Variants in NRP2 observed in about 807,000 individuals in gnomAD.
NRP2 encodes the protein neuropilin-2.
In NRP2, 52 loss-of-function variants were observed where a neutral mutation model predicts 110.4. That is an observed-to-expected ratio of 0.47 (90% CI 0.38 to 0.59). The LOEUF is 0.59. Among genes scored for constraint, NRP2 ranks in the 20% least tolerant of loss-of-function variants. The probability of loss-of-function intolerance (pLI) is 0.00; values close to 1 mark genes in which losing one functional copy is unlikely to be tolerated. For synonymous variants in NRP2, 508 were observed against 468.9 expected (o/e 1.08, Z -1.08); for missense variants, 1,049 against 1,203.0 (o/e 0.87, Z 1.89).
chr2:205,790,648 G>GTTTT (rs56812222), intron 15 of NRP2, among the ~76,000 whole-genome samples: 1 of 145,096 alleles, frequency 6.9e-6, no homozygotes, highest in South Asian at 2.2e-4. Flanking sequence ...TTTCTTCCAT[G>GTTTT]TTTTTTTTTT....
chr2:205,740,442 T>A, intron 7 of NRP2, 77 bp from the exon 8 acceptor site: 1 of 1,501,744 alleles, frequency 6.7e-7, no homozygotes, highest in South Asian at 1.1e-5. Flanking sequence ...AACTTTCCCA[T>A]CCCCTTCAAA....
chr2:205,789,623 G>C (rs924450365), intron 15 of NRP2, among the ~76,000 whole-genome samples: 6 of 152,172 alleles, frequency 3.9e-5, no homozygotes, highest in African/African-American at 1.2e-4. Flanking sequence ...TCTACCCTCT[G>C]CCTTGGGCTC....
intron 2 of NRP2, among the ~76,000 whole-genome samples, chr2:205,710,313 C>A (rs978870306): frequency 3.9e-5 from 6 of 152,342 alleles, no homozygotes; most frequent in South Asian, 4.1e-4. Flanking sequence ...CCTCATGTAA[C>A]CTTGGGCAGG....
chr2:205,749,275 C>T (rs1028115965), intron 10 of NRP2, among the ~76,000 whole-genome samples: 3 of 152,204 alleles, frequency 2.0e-5, no homozygotes, highest in Admixed American at 1.3e-4. Flanking sequence ...AACACTTGAA[C>T]TTGCCACACC....
At chr2:205,772,236 A>G (rs2058033887) in intron 15 of NRP2, among the ~76,000 whole-genome samples, 1 of 152,248 alleles carries the variant, frequency 6.6e-6, no homozygotes. Context: ...GTTAATACAC[A>G]GGAAATGTCC....
chr2:205,688,546 T>C (rs963158013), intron 1 of NRP2, among the ~76,000 whole-genome samples: 10 of 152,186 alleles, frequency 6.6e-5, no homozygotes, highest in South Asian at 2.1e-4. Context: ...TGGCCTTGTA[T>C]CATGGCTGGC....
chr2:205,791,229 T>G (rs16837671), intron 15 of NRP2, among the ~76,000 whole-genome samples: 6,475 of 152,324 alleles, frequency 0.043, 231 homozygotes, highest in African/African-American at 0.09. Flanking sequence ...CTTTTAAGCC[T>G]TGATTTTTGG....
chr2:205,765,330 G>A, intron 13 of NRP2, 144 bp from the exon 14 acceptor site: 1 of 743,766 alleles, frequency 1.3e-6, no homozygotes, highest in Non-Finnish European at 2.5e-6. Context: ...GTGGTCAACA[G>A]ATGTGTACCA....
chr2:205,686,171 C>A lies in NRP2; in HGVS notation c.73+2808C>A, dbSNP rs569324098. Among the ~76,000 whole-genome samples the A allele has an allele frequency of 6.6e-6, 1 of 152,198 alleles. No individual in the cohort carries two copies. Among genetic ancestry groups the A allele is most frequent in the Non-Finnish European group, 1.5e-5 (1 of 68,034 alleles). ...ATTCCCAGCGAAAGCAAAACCGAGGCTGAAGCCTCCGCGAAGTTGGCCGCC... is the reference window on the plus strand; with the variant it reads ...ATTCCCAGCGAAAGCAAAACCGAGGATGAAGCCTCCGCGAAGTTGGCCGCC... On this transcript the variant is annotated intron_variant, in intron 1 of 16. Coordinates refer to ENST00000357785, the MANE Select transcript of NRP2 (RefSeq NM_003872.3). This position sits in a 1 kb window ranked among gnomAD's most constrained non-coding sequence, Gnocchi z 4.7.
chr2:205,785,805 T>C (rs764305401), intron 15 of NRP2, among the ~76,000 whole-genome samples: 1 of 152,234 alleles, frequency 6.6e-6, no homozygotes, highest in Non-Finnish European at 1.5e-5. Flanking sequence ...TTTCCAATTC[T>C]TTTTAGTGTT....
At chr2:205,778,645 T>TGGCATTGA (rs1159585519) in intron 15 of NRP2, 1 of 152,228 alleles carries the variant, frequency 6.6e-6, no homozygotes, top group Non-Finnish European at 1.5e-5. Flanking sequence ...CATAGAGGTG[T>TGGCATTGA]GGCATTGAGA....
chr2:205,765,976 G>T (rs181810327), intron 14 of NRP2, among the ~76,000 whole-genome samples: 1 of 152,214 alleles, frequency 6.6e-6, no homozygotes, highest in African/African-American at 2.4e-5. Context: ...CATATGTTAT[G>T]TAAGAGTGAT....
chr2:205,744,312 T>A (rs539791388), intron 9 of NRP2, among the ~76,000 whole-genome samples: 3 of 152,294 alleles, frequency 2.0e-5, no homozygotes, highest in African/African-American at 7.2e-5. Flanking sequence ...GGGGATGTGG[T>A]TTTTGGAGGC....
chr2:205,742,615 C>T (rs1239700404), intron 8 of NRP2, among the ~76,000 whole-genome samples: 1 of 152,146 alleles, frequency 6.6e-6, no homozygotes, highest in African/African-American at 2.4e-5. Flanking sequence ...CAGTAAAGAG[C>T]AGTTATTTGG....
intron 15 of NRP2, among the ~76,000 whole-genome samples, chr2:205,784,721 C>T (rs1449466876): frequency 6.6e-6 from 1 of 152,200 alleles, no homozygotes; most frequent in African/African-American, 2.4e-5. Context: ...TGCAGTTTGT[C>T]TCCAACCTCC....
chr2:205,705,734 C>T (rs2056661641), intron 2 of NRP2, among the ~76,000 whole-genome samples: 1 of 152,060 alleles, frequency 6.6e-6, no homozygotes, highest in South Asian at 2.1e-4. Flanking sequence ...TGAGAGATCA[C>T]ACAGATAGTA....
At chr2:205,709,198 G>A (rs2105773893) in intron 2 of NRP2, among the ~76,000 whole-genome samples, 1 of 152,344 alleles carries the variant, frequency 6.6e-6, no homozygotes, top group East Asian at 1.9e-4. Context: ...ACTGTTGATG[G>A]ATTTGTGCAG....
intron 2 of NRP2, among the ~76,000 whole-genome samples, chr2:205,706,505 G>A (rs190707552): frequency 2.1e-4 from 32 of 152,084 alleles, no homozygotes; most frequent in Admixed American, 1.7e-3. Context: ...GTCCCCACCC[G>A]ACCCCCCTCT....
intron 6 of NRP2, among the ~76,000 whole-genome samples, chr2:205,727,444 G>A (rs2057148940): frequency 6.6e-6 from 1 of 152,192 alleles, no homozygotes; most frequent in Non-Finnish European, 1.5e-5. Context: ...GTGTGGGGAG[G>A]GGATGCCTCT....
Sources: gnomAD v4.1 joint callset for allele counts (sites outside exome capture counted in the v4.1 genomes callset) on GRCh38, gnomAD v4.1.1 for gene constraint, Gnocchi (gnomAD v3.1) non-coding constraint, MANE v1.5 for transcripts, NCBI Gene and HGNC (gene_info 2026-07-23, HGNC 2026-07-21) for gene names.